Variants in RPSA2 observed in about 807,000 individuals in gnomAD.
RPSA2 encodes the protein small ribosomal subunit protein uS2B.
At chr19:23,785,383 A>G in the RPSA2 span, among the ~76,000 whole-genome samples, 1 of 151,958 alleles carries the variant, frequency 6.6e-6, no homozygotes, top group African/African-American at 2.4e-5. Context: ...GGCCCTTTCT[A>G]CAGGGCCTTG....
At chr19:23,783,089 T>TTTAATTAA in the RPSA2 span, among the ~76,000 whole-genome samples, 40 of 150,440 alleles carry the variant, frequency 2.7e-4, no homozygotes, top group East Asian at 2.4e-3. Context: ...ATGTATTTCT[T>TTTAATTAA]TTAATTAATT....
chr19:23,840,876 C>A, the RPSA2 span, among the ~76,000 whole-genome samples: 3 of 148,868 alleles, frequency 2.0e-5, no homozygotes, highest in East Asian at 6.0e-4. Flanking sequence ...GCAGGAGAAT[C>A]TCTTGAACAC....
chr19:23,794,477 C>T, the RPSA2 span, among the ~76,000 whole-genome samples: 470 of 152,198 alleles, frequency 3.1e-3, 4 homozygotes, highest in African/African-American at 0.011. Context: ...TTGTTAGCCA[C>T]GTTTGTCTTC....
chr19:23,804,858 GT>G, the RPSA2 span, among the ~76,000 whole-genome samples: 1 of 152,106 alleles, frequency 6.6e-6, no homozygotes, highest in Non-Finnish European at 1.5e-5. Context: ...CCTTTTCACA[GT>G]TTGCTTAATG....
chr19:23,835,374 C>T, the RPSA2 span, among the ~76,000 whole-genome samples: 1 of 151,946 alleles, frequency 6.6e-6, no homozygotes, highest in Admixed American at 6.6e-5. Flanking sequence ...AAATTTGAAA[C>T]TATTTTTAGC....
chr19:23,809,687 G>T, the RPSA2 span, among the ~76,000 whole-genome samples: 1 of 150,870 alleles, frequency 6.6e-6, no homozygotes, highest in African/African-American at 2.4e-5. Context: ...ACTTATACTT[G>T]TATGTTAATT....
chr19:23,790,831 GA>G, the RPSA2 span: 1 of 537,880 alleles, frequency 1.9e-6, no homozygotes, highest in South Asian at 2.5e-5. Context: ...GAACTGGTGG[GA>G]AGCAGCTGTG....
the RPSA2 span, among the ~76,000 whole-genome samples, chr19:23,812,658 C>G: frequency 1.3e-5 from 2 of 152,106 alleles, no homozygotes; most frequent in Non-Finnish European, 2.9e-5. Context: ...CTCAGCATCT[C>G]AAAGTGCTGG....
At chr19:23,842,902 A>G in the RPSA2 span, among the ~76,000 whole-genome samples, 2 of 152,206 alleles carry the variant, frequency 1.3e-5, no homozygotes, top group African/African-American at 4.8e-5. Flanking sequence ...TAGATTAATG[A>G]TAATTCTAGA....
chr19:23,831,028 G>A, the RPSA2 span, among the ~76,000 whole-genome samples: 1 of 151,888 alleles, frequency 6.6e-6, no homozygotes, highest in Non-Finnish European at 1.5e-5. Flanking sequence ...GTTTACTCTT[G>A]TTATTTTGTA....
the RPSA2 span, among the ~76,000 whole-genome samples, chr19:23,829,750 A>G: frequency 2.6e-5 from 4 of 152,212 alleles, no homozygotes; most frequent in Non-Finnish European, 5.9e-5. Flanking sequence ...TTTGTCATTG[A>G]TGTTGCTAAT....
the RPSA2 span, among the ~76,000 whole-genome samples, chr19:23,811,272 C>T: frequency 1.3e-5 from 2 of 152,126 alleles, no homozygotes; most frequent in African/African-American, 4.8e-5. Context: ...CCACCTCAGA[C>T]TCCCAAATTG....
chr19:23,847,888 C>G, the RPSA2 span, among the ~76,000 whole-genome samples: 1 of 152,254 alleles, frequency 6.6e-6, no homozygotes, highest in Admixed American at 6.5e-5. Context: ...GACATCTTCC[C>G]TACTTGCACA....
At chr19:23,782,814 G>C in the RPSA2 span, among the ~76,000 whole-genome samples, 64 of 152,222 alleles carry the variant, frequency 4.2e-4, 1 homozygote, top group Admixed American at 3.7e-3. Context: ...CCAGCACCTA[G>C]GCTATGTCTC....
At chr19:23,863,780 C>G in the RPSA2 span, among the ~76,000 whole-genome samples, 3 of 152,146 alleles carry the variant, frequency 2.0e-5, no homozygotes, top group Non-Finnish European at 4.4e-5. Context: ...GAAATAATCT[C>G]TAAACATAAG....
the RPSA2 span, among the ~76,000 whole-genome samples, chr19:23,791,688 C>CA: frequency 2.0e-5 from 3 of 152,116 alleles, no homozygotes; most frequent in African/African-American, 7.2e-5. Flanking sequence ...TTCACTTTAT[C>CA]AACTATTTGT....
At chr19:23,782,250 C>T in the RPSA2 span, 1 of 152,178 alleles carries the variant, frequency 6.6e-6, no homozygotes, top group Non-Finnish European at 1.5e-5. Context: ...CTATTGGGTC[C>T]AGCACCTAGC....
chr19:23,832,797 A>C, the RPSA2 span: 1 of 1,576,316 alleles, frequency 6.3e-7, no homozygotes, highest in Non-Finnish European at 8.7e-7. Flanking sequence ...CTGGAGAGAA[A>C]CCCTACAAAT....
the RPSA2 span, among the ~76,000 whole-genome samples, chr19:23,784,761 T>C: frequency 6.6e-6 from 1 of 152,224 alleles, no homozygotes; most frequent in Non-Finnish European, 1.5e-5. Context: ...AGTCTGTTGA[T>C]AGTTGCAGAA....
Sources: gnomAD v4.1 joint callset for allele counts (sites outside exome capture counted in the v4.1 genomes callset) on GRCh38, gnomAD v4.1.1 for gene constraint, MANE v1.5 for transcripts, NCBI Gene and HGNC (gene_info 2026-07-23, HGNC 2026-07-21) for gene names.